The following PDE1A variants were observed in gnomAD, a reference collection of about 807,000 sequenced individuals.
PDE1A encodes the protein dual specificity calcium/calmodulin-dependent 3',5'-cyclic nucleotide phosphodiesterase 1A.
PDE1A carries 35 observed loss-of-function variants against 61.7 expected under a neutral mutation model. The observed-to-expected ratio is 0.57, with a 90% CI of 0.43 to 0.75. The LOEUF (loss-of-function observed/expected upper bound fraction) is 0.75, where lower values mean the gene tolerates loss of function less well. Among genes scored for constraint, PDE1A ranks in the 30% least tolerant of loss-of-function variants. The pLI is 0.00. For missense variants in PDE1A, 597 were observed against 630.6 expected (o/e 0.95, Z 0.57); for synonymous variants, 232 against 213.2 (o/e 1.09, Z -0.77).
intron 6 of PDE1A, among the ~76,000 whole-genome samples, chr2:182,226,501 T>C (rs1302168295): frequency 6.7e-6 from 1 of 149,858 alleles, no homozygotes; most frequent in Non-Finnish European, 1.5e-5. Flanking sequence ...CTACTTTGCA[T>C]TAGCAAAAGT....
At chr2:182,597,468 A>G in the PDE1A span, among the ~76,000 whole-genome samples, 6 of 152,144 alleles carry the variant, frequency 3.9e-5, no homozygotes, top group African/African-American at 1.4e-4. Context: ...GCTATTGCAG[A>G]GGAAGAGAGG....
the PDE1A span, among the ~76,000 whole-genome samples, chr2:182,597,250 G>C: frequency 3.9e-5 from 6 of 152,066 alleles, no homozygotes; most frequent in African/African-American, 1.4e-4. Context: ...AAATGAATTT[G>C]ACATCAAAAT....
chr2:182,446,554 ATATC>A (rs1309168128), intron 2 of PDE1A, among the ~76,000 whole-genome samples: 7 of 152,158 alleles, frequency 4.6e-5, no homozygotes, highest in African/African-American at 1.4e-4. Context: ...CTGAGGACAG[ATATC>A]TATTTGCTTT....
At chr2:182,697,122 G>A in the PDE1A span, among the ~76,000 whole-genome samples, 1 of 152,132 alleles carries the variant, frequency 6.6e-6, no homozygotes, top group Non-Finnish European at 1.5e-5. Context: ...TTCCCACCAT[G>A]AGAGTCATTA....
At chr2:182,305,601 T>C (rs1695528354) in intron 1 of PDE1A, among the ~76,000 whole-genome samples, 1 of 152,174 alleles carries the variant, frequency 6.6e-6, no homozygotes, top group Non-Finnish European at 1.5e-5. Context: ...AGTAGCTCTA[T>C]AAAGAGATTA....
chr2:182,709,918 G>A, the PDE1A span, among the ~76,000 whole-genome samples: 1 of 152,068 alleles, frequency 6.6e-6, no homozygotes, highest in African/African-American at 2.4e-5. Context: ...TTGTTTTTGA[G>A]ACAGAGTCTT....
chr2:182,531,776 G>A, the PDE1A span, among the ~76,000 whole-genome samples: 3 of 152,130 alleles, frequency 2.0e-5, no homozygotes. Context: ...AGGTAAACAT[G>A]TGCCATATTG....
At chr2:182,481,072 G>A (rs538365551) in intron 2 of PDE1A, among the ~76,000 whole-genome samples, 64 of 151,818 alleles carry the variant, frequency 4.2e-4, no homozygotes, top group African/African-American at 1.3e-3. Flanking sequence ...GTTTTACACC[G>A]GATATAAGGG....
At chr2:182,206,139 G>C in intron 7 of PDE1A, 74 bp from the exon 8 acceptor site, 1 of 1,218,702 alleles carries the variant, frequency 8.2e-7, no homozygotes, top group Non-Finnish European at 1.1e-6. Flanking sequence ...ACTTACTCAA[G>C]TATCAAGTCA....
At chr2:182,253,077 C>G (rs1196542582) in intron 2 of PDE1A, among the ~76,000 whole-genome samples, 1 of 152,138 alleles carries the variant, frequency 6.6e-6, no homozygotes. Flanking sequence ...AACCTATTAC[C>G]TCATTTCATG....
chr2:182,535,705 AATAT>A, the PDE1A span, among the ~76,000 whole-genome samples: 1 of 152,094 alleles, frequency 6.6e-6, no homozygotes, highest in Non-Finnish European at 1.5e-5. Context: ...ACTAACTGTG[AATAT>A]TTAGATTGTT....
chr2:182,631,469 G>C, the PDE1A span, among the ~76,000 whole-genome samples: 1 of 152,100 alleles, frequency 6.6e-6, no homozygotes, highest in Admixed American at 6.6e-5. Context: ...TGCCACATTA[G>C]GGAAAGCCAT....
the PDE1A span, among the ~76,000 whole-genome samples, chr2:182,569,562 T>C: frequency 1.3e-5 from 2 of 152,116 alleles, no homozygotes; most frequent in Non-Finnish European, 2.9e-5. Context: ...TTAACGAGAC[T>C]TTCTCAAAGT....
chr2:182,499,079 C>T (rs1318949660), intron 2 of PDE1A, among the ~76,000 whole-genome samples: 1 of 151,526 alleles, frequency 6.6e-6, no homozygotes, highest in African/African-American at 2.4e-5. Flanking sequence ...CCTCCGCCTC[C>T]TGTGTTCAAG....
At chr2:182,574,748 T>C in the PDE1A span, among the ~76,000 whole-genome samples, 7 of 152,156 alleles carry the variant, frequency 4.6e-5, no homozygotes, top group Admixed American at 1.3e-4. Context: ...CTGGAGTGCA[T>C]TGGCACAACC....
At chr2:182,693,300 T>C in the PDE1A span, among the ~76,000 whole-genome samples, 1 of 152,198 alleles carries the variant, frequency 6.6e-6, no homozygotes, top group African/African-American at 2.4e-5. Flanking sequence ...CCATCCCATA[T>C]TATTTTGAAG....
rs200755679 is a variant in PDE1A, at chr2:182,516,496, T to TA, written c.101+5779dup. Among the ~76,000 whole-genome samples, 16 of 151,664 alleles carry TA rather than the reference T, an allele frequency of 1.1e-4. No individual in the cohort carries two copies. In the East Asian group the frequency reaches 2.9e-3, roughly 28 times the overall value. ...CAAAAACCCATCTCTACTAGATCTA[T>TA]AAAAAAATTAGCCAGGTGTGGTGGC... On this transcript the variant is annotated intron_variant, in intron 2 of 14. Coordinates refer to the PDE1A transcript ENST00000410103.
At chr2:182,174,375 T>C (rs1243788631) in intron 13 of PDE1A, among the ~76,000 whole-genome samples, 2 of 152,042 alleles carry the variant, frequency 1.3e-5, no homozygotes, top group Non-Finnish European at 2.9e-5. Flanking sequence ...CTCAGATAGA[T>C]TACTTATTTA....
chr2:182,499,435 G>A (rs1459721148), intron 2 of PDE1A, among the ~76,000 whole-genome samples: 1 of 152,030 alleles, frequency 6.6e-6, no homozygotes, highest in African/African-American at 2.4e-5. Context: ...TGTTGACCAG[G>A]CTAGTCTCAA....
Sources: gnomAD v4.1 joint callset for allele counts (sites outside exome capture counted in the v4.1 genomes callset) on GRCh38, gnomAD v4.1.1 for gene constraint, MANE v1.5 for transcripts, NCBI Gene and HGNC (gene_info 2026-07-23, HGNC 2026-07-21) for gene names.